Variants in DLGAP2 observed in about 807,000 individuals in gnomAD.
The protein encoded by DLGAP2 is disks large-associated protein 2.
Under a neutral mutation model 100.3 loss-of-function variants are expected in DLGAP2, and 26 were observed. The observed-to-expected ratio is 0.26, with a 90% CI of 0.19 to 0.36. The LOEUF (loss-of-function observed/expected upper bound fraction) is 0.36. DLGAP2 is among the 10% of genes least tolerant of loss of function. The pLI, the probability that DLGAP2 is intolerant of heterozygous loss-of-function variation, is 1.00. For missense variants in DLGAP2, 1,858 were observed against 1,453.2 expected (o/e 1.28, Z -4.53); for synonymous variants, 886 against 630.1 (o/e 1.41, Z -6.08).
chr8:1,237,580 C>T (rs1798691072), intron 2 of DLGAP2, among the ~76,000 whole-genome samples: 1 of 143,802 alleles, frequency 7.0e-6, no homozygotes, highest in Non-Finnish European at 1.5e-5. Flanking sequence ...TCACATGGCA[C>T]CGTGTCTAGT....
intron 2 of DLGAP2, among the ~76,000 whole-genome samples, chr8:1,242,398 C>T (rs963236491): frequency 1.3e-5 from 2 of 152,234 alleles, no homozygotes; most frequent in Non-Finnish European, 2.9e-5. Flanking sequence ...CCCACATCAC[C>T]AGCCAGGGGT....
At chr8:1,539,005 C>T (rs1297883890) in intron 4 of DLGAP2, among the ~76,000 whole-genome samples, 28 of 151,942 alleles carry the variant, frequency 1.8e-4, no homozygotes, top group Admixed American at 1.8e-3. Context: ...CATGGCTCGG[C>T]CTCCTGAGTA....
chr8:1,265,663 C>T (rs1365062005), intron 3 of DLGAP2, among the ~76,000 whole-genome samples: 1 of 152,094 alleles, frequency 6.6e-6, no homozygotes, highest in East Asian at 1.9e-4. Flanking sequence ...TAAAGTGAAA[C>T]CACGGAATAG....
chr8:1,594,297 G>C (rs371657307), intron 6 of DLGAP2, among the ~76,000 whole-genome samples: 5 of 152,102 alleles, frequency 3.3e-5, no homozygotes, highest in Non-Finnish European at 5.9e-5. Context: ...TGATTTATTC[G>C]ACAGAGAATT....
intron 3 of DLGAP2, among the ~76,000 whole-genome samples, chr8:1,490,181 C>T (rs926435639): frequency 5.3e-5 from 8 of 152,184 alleles, no homozygotes; most frequent in African/African-American, 1.7e-4. Flanking sequence ...TGAGCCACTG[C>T]GCCCGGCTTC....
chr8:1,217,386 T>G (rs1798235710), intron 2 of DLGAP2, among the ~76,000 whole-genome samples: 1 of 152,218 alleles, frequency 6.6e-6, no homozygotes, highest in African/African-American at 2.4e-5. Context: ...ATTCCATGTC[T>G]TTGCTATTGT....
intron 2 of DLGAP2, among the ~76,000 whole-genome samples, chr8:1,062,277 C>T (rs1193707723): frequency 2.0e-5 from 3 of 152,192 alleles, no homozygotes; most frequent in Non-Finnish European, 4.4e-5. Context: ...CTGTGCCTGC[C>T]ACGCTGCTGC....
chr8:1,644,530 C>T (rs894470735), intron 8 of DLGAP2, among the ~76,000 whole-genome samples: 1 of 152,248 alleles, frequency 6.6e-6, no homozygotes, highest in Non-Finnish European at 1.5e-5. Flanking sequence ...GGAATCATTT[C>T]TTCAAGGAAG....
At chr8:1,474,660 C>G (rs2130217475) in intron 3 of DLGAP2, among the ~76,000 whole-genome samples, 1 of 152,236 alleles carries the variant, frequency 6.6e-6, no homozygotes, top group Non-Finnish European at 1.5e-5. Context: ...AAATGCAAAT[C>G]AAAACCACAG....
intron 3 of DLGAP2, among the ~76,000 whole-genome samples, chr8:1,392,885 TTCTG>T (rs1796403509): frequency 7.0e-6 from 1 of 143,488 alleles, no homozygotes; most frequent in East Asian, 2.1e-4. Context: ...AATGTGACGT[TTCTG>T]TTTTTTTTTT....
intron 1 of DLGAP2, among the ~76,000 whole-genome samples, chr8:769,057 G>A (rs1301692085): frequency 6.6e-6 from 1 of 152,168 alleles, no homozygotes; most frequent in African/African-American, 2.4e-5. Flanking sequence ...GACAGTGCGT[G>A]CATGGTCAGG....
At chr8:1,179,732 A>G (rs1042314501) in intron 2 of DLGAP2, among the ~76,000 whole-genome samples, 12 of 152,264 alleles carry the variant, frequency 7.9e-5, no homozygotes, top group African/African-American at 2.9e-4. Context: ...TTACACAGCT[A>G]TAATATTTTT....
intron 2 of DLGAP2, among the ~76,000 whole-genome samples, chr8:1,244,845 C>T (rs1213158978): frequency 6.6e-6 from 1 of 152,110 alleles, no homozygotes; most frequent in Admixed American, 6.5e-5. Flanking sequence ...AAGAAGGAAA[C>T]TCAAGTAATG....
intron 2 of DLGAP2, among the ~76,000 whole-genome samples, chr8:990,368 C>G (rs542149649): frequency 2.6e-5 from 3 of 116,042 alleles, no homozygotes; most frequent in African/African-American, 9.7e-5. Context: ...TGCCCGGACC[C>G]CCTGCACCCC....
intron 2 of DLGAP2, among the ~76,000 whole-genome samples, chr8:953,100 C>G (rs1017591754): frequency 6.6e-6 from 1 of 152,234 alleles, no homozygotes; most frequent in Non-Finnish European, 1.5e-5. Flanking sequence ...ATTAATATCA[C>G]TACCAATTTC....
intron 3 of DLGAP2, among the ~76,000 whole-genome samples, chr8:1,367,700 T>C (rs1035217562): frequency 5.3e-5 from 8 of 152,222 alleles, no homozygotes; most frequent in East Asian, 1.9e-4. Context: ...TAACAAAGAG[T>C]GTTTAATGCG....
At chr8:1,479,972 A>C (rs563493477) in intron 3 of DLGAP2, among the ~76,000 whole-genome samples, 2 of 152,344 alleles carry the variant, frequency 1.3e-5, no homozygotes. Context: ...TGAGAGCTCC[A>C]GTCCCTGTGA....
chr8:1,244,349 G>T (rs1400370919), intron 2 of DLGAP2, among the ~76,000 whole-genome samples: 1 of 152,202 alleles, frequency 6.6e-6, no homozygotes, highest in African/African-American at 2.4e-5. Flanking sequence ...ATACACTATT[G>T]GCTGAGCACA....
rs1225332246 is a variant in DLGAP2, at chr8:1,174,226, C to T, written c.74-84625C>T. On this transcript the variant is annotated intron_variant, in intron 2 of 14. Coordinates refer to ENST00000637795, the MANE Select transcript of DLGAP2 (RefSeq NM_001346810.2). ...AAGGAAAAACAGAAAAATTGCTATTCTGCAGGGAATGTGATAAGTCTACCC... is the reference window on the plus strand; with the variant it reads ...AAGGAAAAACAGAAAAATTGCTATTTTGCAGGGAATGTGATAAGTCTACCC... Among the ~76,000 whole-genome samples the T allele has an allele frequency of 1.3e-5, 2 of 152,118 alleles. 1 individual carries two copies. Among genetic ancestry groups the T allele is most frequent in the Non-Finnish European group, 2.9e-5 (2 of 68,014 alleles).
Sources: allele counts gnomAD v4.1 joint callset (sites outside exome capture counted in the v4.1 genomes callset), GRCh38; gene constraint gnomAD v4.1.1; transcripts MANE v1.5; gene names NCBI Gene and HGNC (gene_info 2026-07-23, HGNC 2026-07-21).